SNX24: variants seen among roughly 807,000 people sequenced by gnomAD.
SNX24 encodes sorting nexin 24, also known as sorting nexin-24.
Under a neutral mutation model 28.7 loss-of-function variants are expected in SNX24, and 22 were observed. The ratio of observed to expected loss-of-function variants is 0.77; its 90% CI spans 0.55 to 1.10. SNX24 has a LOEUF of 1.10. SNX24 is among the 50% of genes least tolerant of loss of function. The pLI, the probability that SNX24 is intolerant of heterozygous loss-of-function variation, is 0.00. For missense variants in SNX24, 221 were observed against 201.1 expected, an observed-to-expected ratio of 1.10 and a Z score of -0.60; for synonymous variants, 69 against 71.5, an observed-to-expected ratio of 0.96 and a Z score of 0.18.
chr5:122,998,815 T>G (rs1219678841), intron 3 of SNX24, among the ~76,000 whole-genome samples: 2 of 152,176 alleles, frequency 1.3e-5, no homozygotes, highest in Admixed American at 1.3e-4. Flanking sequence ...AGGTACATAA[T>G]TTCACCTCAC....
intron 1 of SNX24, among the ~76,000 whole-genome samples, chr5:122,933,823 T>G (rs889446131): frequency 6.6e-6 from 1 of 151,934 alleles, no homozygotes; most frequent in Non-Finnish European, 1.5e-5. Context: ...ATTCAACTCT[T>G]TTTTTCTTTT....
intron 3 of SNX24, among the ~76,000 whole-genome samples, chr5:122,960,426 A>G (rs1760438574): frequency 6.6e-6 from 1 of 152,194 alleles, no homozygotes; most frequent in Non-Finnish European, 1.5e-5. Context: ...CATCCATACT[A>G]GAGTGTACTC....
At chr5:122,991,775 G>A (rs1483770531) in intron 3 of SNX24, among the ~76,000 whole-genome samples, 1 of 152,044 alleles carries the variant, frequency 6.6e-6, no homozygotes, top group Non-Finnish European at 1.5e-5. Context: ...TGTTGTTGTT[G>A]TTGTTGTTGT....
chr5:122,973,822 G>A (rs1388493648), intron 3 of SNX24, among the ~76,000 whole-genome samples: 1 of 152,200 alleles, frequency 6.6e-6, no homozygotes, highest in African/African-American at 2.4e-5. Flanking sequence ...GTAGTTATCT[G>A]CAGATGATGG....
intron 1 of SNX24, among the ~76,000 whole-genome samples, chr5:122,911,610 G>GT (rs1316221540): frequency 7.2e-6 from 1 of 138,532 alleles, no homozygotes; most frequent in Non-Finnish European, 1.6e-5. Context: ...TAGGTCTAAC[G>GT]TTTAAGTCTT....
chr5:122,974,414 G>A (rs949617176), intron 3 of SNX24, among the ~76,000 whole-genome samples: 2 of 152,366 alleles, frequency 1.3e-5, no homozygotes, highest in East Asian at 1.9e-4. Context: ...ACACAAAATC[G>A]AGAGTTGTTG....
chr5:122,856,523 G>C (rs1350330404), intron 1 of SNX24, among the ~76,000 whole-genome samples: 1 of 141,586 alleles, frequency 7.1e-6, no homozygotes, highest in African/African-American at 2.6e-5. Flanking sequence ...GTAGTTCTGT[G>C]TCTTTTTTTT....
rs540634035 is a variant in SNX24 at position 122,878,827 on chromosome 5, T to A, written c.60+33134T>A. ...ATCTCTACAAAATAAGAATAAAAAA[T>A]TAGCCGAGTGTGGTGGTACACAGCT... On this transcript the variant is annotated intron_variant, in intron 1 of 6. Transcript: ENST00000261369. Among the ~76,000 whole-genome samples the A allele has an allele frequency of 6.6e-5, 10 of 151,886 alleles. No homozygotes were observed. The East Asian group carries it at 1.9e-3, about 29-fold the overall frequency.
intron 1 of SNX24, among the ~76,000 whole-genome samples, chr5:122,933,829 CT>C (rs1303875257): frequency 6.5e-4 from 94 of 145,582 alleles, no homozygotes; most frequent in Non-Finnish European, 5.3e-4. Flanking sequence ...CTCTTTTTTT[CT>C]TTTTTTTTTT....
chr5:122,884,697 G>C (rs1275009570), intron 1 of SNX24, among the ~76,000 whole-genome samples: 1 of 152,208 alleles, frequency 6.6e-6, no homozygotes, highest in East Asian at 1.9e-4. Context: ...GTAGGGATTA[G>C]GAGAAAGGTT....
At chr5:122,914,139 G>A (rs1758056128) in intron 1 of SNX24, among the ~76,000 whole-genome samples, 1 of 152,152 alleles carries the variant, frequency 6.6e-6, no homozygotes, top group Admixed American at 6.5e-5. Flanking sequence ...GAGGGAGAGG[G>A]AGAGGGAGAG....
intron 3 of SNX24, chr5:122,965,361 C>CTCGG: frequency 2.3e-6 from 1 of 427,492 alleles, no homozygotes; most frequent in East Asian, 7.1e-5. Flanking sequence ...CCACAGGTAC[C>CTCGG]TGGATAGCCT....
At chr5:122,893,277 A>G (rs1217777722) in intron 1 of SNX24, among the ~76,000 whole-genome samples, 1 of 150,984 alleles carries the variant, frequency 6.6e-6, no homozygotes, top group Non-Finnish European at 1.5e-5. Flanking sequence ...TCCTTTTGAC[A>G]TGACCCCATT....
intron 1 of SNX24, among the ~76,000 whole-genome samples, chr5:122,911,063 GAACT>G (rs1299557357): frequency 6.6e-6 from 1 of 152,200 alleles, no homozygotes; most frequent in Non-Finnish European, 1.5e-5. Context: ...CACAATGGTT[GAACT>G]AGTTTACAGT....
At chr5:122,914,944 C>T (rs935603991) in intron 1 of SNX24, among the ~76,000 whole-genome samples, 3 of 152,104 alleles carry the variant, frequency 2.0e-5, no homozygotes, top group African/African-American at 4.8e-5. Context: ...TGATGCCTGA[C>T]CACTTTTCCT....
intron 1 of SNX24, among the ~76,000 whole-genome samples, chr5:122,873,552 A>G (rs929654085): frequency 6.6e-6 from 1 of 152,142 alleles, no homozygotes; most frequent in Non-Finnish European, 1.5e-5. Context: ...AGGTGGCAGT[A>G]GATGAGGGCT....
In SNX24 at chr5:123,008,060, C is replaced by T; in HGVS notation, c.*311C>T. 1.9e-6 allele frequency: 2 copies of T among 1,070,774 alleles called. No individual in the cohort carries two copies. Among genetic ancestry groups the T allele is most frequent in the Non-Finnish European group, 2.3e-6 (2 of 884,728 alleles). 66.3% of individuals were successfully genotyped at this position (1,070,774 alleles called of 1,614,324 possible). On this transcript the variant is annotated 3_prime_UTR_variant, in exon 7 of 7. Transcript: ENST00000261369. ...AGCACTGGGTGTAGCAAAACAAAGC[C>T]ACTCTCTGCTTCAGTCGCACCATTT...
chr5:123,028,457 T>C, intron 5 of SNX24: 1 of 229,932 alleles, frequency 4.3e-6, no homozygotes, highest in Non-Finnish European at 8.4e-6. Flanking sequence ...GTTCCACACC[T>C]TTTCCTTCCT....
In SNX24 at chr5:123,001,395, A is replaced by G. The variant is rs768903459; in HGVS notation, c.345-10A>G. 37 of 1,597,308 alleles carry G rather than the reference A, an allele frequency of 2.3e-5. No homozygotes were observed. Among genetic ancestry groups the G allele is most frequent in the Non-Finnish European group, 3.1e-5 (36 of 1,167,086 alleles). On this transcript the variant is annotated splice_polypyrimidine_tract_variant and intron_variant, in intron 4 of 6. Coordinates refer to ENST00000261369, the MANE Select transcript of SNX24 (RefSeq NM_014035.4). Reference sequence around the variant, plus strand: ...GTTTTTTTGTTTTTTTCCTTTTTCAAAACTTTTAGATCTTTTGATGAAACA... The same window carrying G: ...GTTTTTTTGTTTTTTTCCTTTTTCAGAACTTTTAGATCTTTTGATGAAACA...
Sources: gnomAD v4.1 joint callset for allele counts (sites outside exome capture counted in the v4.1 genomes callset) on GRCh38, gnomAD v4.1.1 for gene constraint, MANE v1.5 for transcripts, NCBI Gene and HGNC (gene_info 2026-07-23, HGNC 2026-07-21) for gene names.